PKD2L1: variants seen among roughly 807,000 people sequenced by gnomAD.
PKD2L1 encodes polycystin-2-like protein 1.
PKD2L1 carries 77 observed loss-of-function variants against 93.0 expected under a neutral mutation model. The ratio of observed to expected loss-of-function variants is 0.83; its 90% CI spans 0.69 to 1.00. The LOEUF is 1.00. Among genes scored for constraint, PKD2L1 ranks in the 50% least tolerant of loss-of-function variants. The probability of loss-of-function intolerance (pLI) is 0.00; values close to 1 mark genes in which losing one functional copy is unlikely to be tolerated. For missense variants in PKD2L1, 977 were observed against 990.9 expected (o/e 0.99, Z 0.19); for synonymous variants, 390 against 388.0 (o/e 1.01, Z -0.06).
chr10:100,288,434 GTCTCC>G lies in PKD2L1; in HGVS notation c.2375_2379del (p.Arg792ThrfsTer5), dbSNP rs1564877266. On this transcript the variant is annotated frameshift_variant, in exon 16 of 16. Transcript: ENST00000318222. LOFTEE classifies it low-confidence loss of function (END_TRUNC). Reference sequence around the variant, plus strand: ...AACGTTGGAATCTCACCACGGGAGAGTCTCCTCTCCTCTAAGGCTTCCTCTTCTCT... The same window carrying G: ...AACGTTGGAATCTCACCACGGGAGAGTCTCCTCTAAGGCTTCCTCTTCTCT... The G allele has an allele frequency of 4.3e-6, 7 of 1,612,934 alleles. No homozygotes were observed. In the Admixed American group the frequency reaches 1.2e-4, roughly 27 times the overall value.
intron 3 of PKD2L1, 57 bp downstream of exon 3, chr10:100,299,532 CCT>C: frequency 6.6e-7 from 1 of 1,513,738 alleles, no homozygotes; most frequent in Non-Finnish European, 9.2e-7. Context: ...CGTTGTCTGA[CCT>C]GTGGCCTCAG....
intron 2 of PKD2L1, 108 bp from the exon 3 acceptor site, chr10:100,299,826 C>G: frequency 1.1e-6 from 1 of 903,464 alleles, no homozygotes; most frequent in Non-Finnish European, 1.8e-6. Context: ...AGCCCATCCC[C>G]CATCTGGACC....
chr10:100,312,597 G>A (rs895046652), intron 2 of PKD2L1, among the ~76,000 whole-genome samples: 1 of 152,146 alleles, frequency 6.6e-6, no homozygotes, highest in Non-Finnish European at 1.5e-5. Flanking sequence ...ATACCTAGAA[G>A]ACTGGAGATA....
Position 100,293,072 on chromosome 10 carries a change from G to A in PKD2L1, c.1759-3C>T, listed in dbSNP as rs145438700. The A allele has an allele frequency of 3.3e-5, 53 of 1,613,420 alleles. 1 individual carries two copies. In the African/African-American group the frequency reaches 6.8e-4, roughly 21 times the overall value. Reference sequence around the variant, plus strand: ...CTTAGTAGGGTCTTGTTGTAGCCCTGAAAGGGAAAGGAAATAGGCACAAGT... The same window carrying A: ...CTTAGTAGGGTCTTGTTGTAGCCCTAAAAGGGAAAGGAAATAGGCACAAGT... On this transcript the variant is annotated splice_region_variant and splice_polypyrimidine_tract_variant and intron_variant, in intron 10 of 15. Coordinates refer to ENST00000318222, the MANE Select transcript of PKD2L1 (RefSeq NM_016112.3).
intron 2 of PKD2L1, among the ~76,000 whole-genome samples, chr10:100,328,155 T>C (rs986285766): frequency 2.0e-5 from 3 of 152,220 alleles, no homozygotes; most frequent in Non-Finnish European, 4.4e-5. Context: ...TGTGCAACTT[T>C]TGAAAGAAGT....
intron 2 of PKD2L1, among the ~76,000 whole-genome samples, chr10:100,305,790 G>A (rs1848785668): frequency 6.6e-6 from 1 of 152,124 alleles, no homozygotes; most frequent in African/African-American, 2.4e-5. Flanking sequence ...GTTGTACATG[G>A]GGTGATGATT....
chr10:100,306,854 T>TAAAAAAAAAAAAAA (rs1848812044), intron 2 of PKD2L1, among the ~76,000 whole-genome samples: 1 of 11,482 alleles, frequency 8.7e-5, no homozygotes, highest in Non-Finnish European at 1.5e-4. Context: ...TGAGACCCTG[T>TAAAAAAAAAAAAAA]CAAAAAAAAA....
intron 5 of PKD2L1, 82 bp downstream of exon 5, chr10:100,297,300 G>A: frequency 6.5e-7 from 1 of 1,538,876 alleles, no homozygotes; most frequent in Non-Finnish European, 9.0e-7. Context: ...CACAGGGTAG[G>A]AGTTTAGGGA....
At chr10:100,329,447 A>G in intron 1 of PKD2L1, 123 bp from the exon 2 acceptor site, 2 of 1,363,660 alleles carry the variant, frequency 1.5e-6, no homozygotes, top group East Asian at 2.4e-5. Flanking sequence ...CATCACCTTC[A>G]TCCTTGGCTG....
Position 100,297,450 on chromosome 10 carries a change from C to G in PKD2L1, c.888G>C (p.Arg296Ser). 1 of 1,614,114 alleles carries G rather than the reference C, an allele frequency of 6.2e-7. No homozygotes were observed. Among genetic ancestry groups the G allele is most frequent in the South Asian group, 1.1e-5 (1 of 91,074 alleles). The change falls in exon 5 of 16, where the codon AGG becomes AGC. Residue 296 changes from arginine to serine, a missense_variant. Coordinates refer to ENST00000318222, the MANE Select transcript of PKD2L1 (RefSeq NM_016112.3). ...AGTCGATGAACACCACTCGAGTGCC[C>G]CTGTCCAGCCACAGCCCCTCCTGAA... ...RALQEGLWLD[R>S]GTRVVFIDFS...
intron 2 of PKD2L1, among the ~76,000 whole-genome samples, chr10:100,321,662 GAAAAGAAAGAAAGAAAGAAAGAAAGAAA>G (rs1849230993): frequency 1.0e-5 from 1 of 99,818 alleles, no homozygotes; most frequent in Non-Finnish European, 1.9e-5. Flanking sequence ...AACAGAGTGA[GAAAAGAAAGAAAGAAAGAAAGAAAGAAA>G]GAAAGAAAGA....
intron 2 of PKD2L1, among the ~76,000 whole-genome samples, chr10:100,305,807 A>C (rs148890846): frequency 6.3e-4 from 96 of 152,272 alleles, no homozygotes; most frequent in African/African-American, 2.3e-3. Flanking sequence ...GATTTGGCTC[A>C]TGTGTCTTTC....
chr10:100,318,521 C>CTTT (rs535608372), intron 2 of PKD2L1, among the ~76,000 whole-genome samples: 1 of 139,688 alleles, frequency 7.2e-6, no homozygotes, highest in African/African-American at 2.6e-5. Context: ...TTTTTCTTTT[C>CTTT]TTTTTTTTTT....
intron 14 of PKD2L1, 146 bp from the exon 15 acceptor site, chr10:100,289,202 A>C: frequency 1.6e-5 from 9 of 580,626 alleles, no homozygotes; most frequent in East Asian, 2.9e-5. Context: ...GTAACCCCCA[A>C]TGTGATAGTA....
Position 100,312,609 on chromosome 10 carries a change from G to T in PKD2L1, c.350-12891C>A, listed in dbSNP as rs147532634. On this transcript the variant is annotated intron_variant, in intron 2 of 15. Coordinates refer to ENST00000318222, the MANE Select transcript of PKD2L1 (RefSeq NM_016112.3). The stretch of plus-strand genomic sequence containing the variant: ...CAGATACCTAGAAGACTGGAGATAG[G>T]AGTAGAGGACAGGGCATAAGGCAAT... Among the ~76,000 whole-genome samples, 282 of 152,248 alleles carry T rather than the reference G, an allele frequency of 1.9e-3. 1 individual carries two copies. The highest frequency in any genetic ancestry group is 6.4e-3 in the African/African-American group (265 of 41,548).
At chr10:100,311,083 T>C (rs558141459) in intron 2 of PKD2L1, among the ~76,000 whole-genome samples, 1 of 152,334 alleles carries the variant, frequency 6.6e-6, no homozygotes, top group South Asian at 2.1e-4. Flanking sequence ...TCCATGCTCC[T>C]TATATAAAAA....
chr10:100,306,619 T>G (rs182837196), intron 2 of PKD2L1, among the ~76,000 whole-genome samples: 1 of 151,928 alleles, frequency 6.6e-6, no homozygotes, highest in East Asian at 1.9e-4. Flanking sequence ...CCCAGCACTT[T>G]GAGAGGCCAA....
intron 2 of PKD2L1, among the ~76,000 whole-genome samples, chr10:100,307,973 C>T (rs550945437): frequency 6.6e-6 from 1 of 152,132 alleles, no homozygotes; most frequent in Non-Finnish European, 1.5e-5. Context: ...AATGCCAGTA[C>T]GTCACTACCA....
At chr10:100,305,331 C>G (rs887944044) in intron 2 of PKD2L1, among the ~76,000 whole-genome samples, 5 of 152,224 alleles carry the variant, frequency 3.3e-5, no homozygotes, top group Admixed American at 3.3e-4. Flanking sequence ...CCAGGCTGGT[C>G]TCGAACTCCT....
Sources: gnomAD v4.1 joint callset for allele counts (sites outside exome capture counted in the v4.1 genomes callset) on GRCh38, gnomAD v4.1.1 for gene constraint, MANE v1.5 for transcripts, NCBI Gene and HGNC (gene_info 2026-07-23, HGNC 2026-07-21) for gene names.